The following TCHP variants were observed in gnomAD, a reference collection of about 807,000 sequenced individuals.
TCHP encodes the protein trichoplein keratin filament binding, also known as trichoplein keratin filament-binding protein.
TCHP carries 81 observed loss-of-function variants against 88.7 expected under a neutral mutation model. That is an observed-to-expected ratio of 0.91 (90% confidence interval 0.76 to 1.10). The LOEUF is 1.10. Among genes scored for constraint, TCHP ranks in the 50% least tolerant of loss-of-function variants. TCHP has a pLI of 0.00. For missense variants in TCHP, 641 were observed against 632.1 expected, an observed-to-expected ratio of 1.01 and a Z score of -0.15; for synonymous variants, 232 against 232.5, an observed-to-expected ratio of 1.00 and a Z score of 0.02.
rs140889414 is a variant in TCHP at position 109,917,967 on chromosome 12, T to A, written c.*1344T>A. ...TGTTGTTCATTTTCTTGCAACTCTT[T>A]GACTCTGATCCCCTGAGCAGCACGT... On this transcript the variant is annotated 3_prime_UTR_variant, in exon 13 of 13. Coordinates refer to ENST00000405876, the MANE Select transcript of TCHP (RefSeq NM_001143852.2). 4.6e-5 allele frequency: 7 copies of A among 152,374 alleles called. No individual in the cohort carries two copies. The highest frequency in any genetic ancestry group is 1.7e-4 in the African/African-American group (7 of 41,584). 9.4% of individuals were successfully genotyped at this position (152,374 alleles called of 1,614,324 possible). A position where few individuals can be genotyped will look rare whatever the true frequency, so the allele number is the denominator to read the frequency against.
intron 11 of TCHP, 99 bp from the exon 12 acceptor site, chr12:109,915,304 C>G (rs1397119696): frequency 6.4e-6 from 10 of 1,556,040 alleles, no homozygotes; most frequent in Non-Finnish European, 8.8e-6. Context: ...GCTGGATTCT[C>G]CAGTCTGGGT....
chr12:109,896,421 G>A (rs962954360), upstream of TCHP, among the ~76,000 whole-genome samples: 1 of 152,174 alleles, frequency 6.6e-6, no homozygotes, highest in Non-Finnish European at 1.5e-5. Flanking sequence ...TCTGCAAAAT[G>A]GGGGCAGGAA....
upstream of TCHP, among the ~76,000 whole-genome samples, chr12:109,896,037 C>T (rs1294585156): frequency 6.6e-6 from 1 of 152,134 alleles, no homozygotes; most frequent in Non-Finnish European, 1.5e-5. Context: ...ACCTCTACCT[C>T]CCAGGTTCAA....
rs997976197 is a variant in TCHP, at chr12:109,906,563, C to T, written c.457-9C>T. The T allele has an allele frequency of 1.2e-5, 20 of 1,612,878 alleles. No individual in the cohort carries two copies. The highest frequency in any genetic ancestry group is 1.4e-5 in the Non-Finnish European group (17 of 1,179,650). On this transcript the variant is annotated splice_polypyrimidine_tract_variant and intron_variant, in intron 4 of 12. Coordinates refer to ENST00000405876, the MANE Select transcript of TCHP (RefSeq NM_001143852.2). The stretch of plus-strand genomic sequence containing the variant: ...GAGGAAATTCACATCGTCCCCCTTC[C>T]ATCCTCAGATGGAGCTGGACCTTCA...
upstream of TCHP, among the ~76,000 whole-genome samples, chr12:109,895,791 T>C (rs189102399): frequency 5.9e-5 from 9 of 152,278 alleles, no homozygotes; most frequent in Non-Finnish European, 1.2e-4. Context: ...GTTCTTGTTT[T>C]CTTCTCCCAT....
intron 4 of TCHP, 104 bp from the exon 5 acceptor site, chr12:109,906,468 C>T: frequency 9.3e-7 from 1 of 1,070,382 alleles, no homozygotes; most frequent in Non-Finnish European, 1.4e-6. Context: ...GAAGCGAAGT[C>T]ATGGCCACGT....
At position 109,906,255 on chromosome 12, in the gene TCHP, G is replaced by A. The variant is rs553902713; in HGVS notation, c.457-317G>A. 2.0e-5 allele frequency among the ~76,000 whole-genome samples: 3 copies of A among 152,292 alleles called. No homozygotes were observed. The East Asian group carries it at 5.8e-4, about 29-fold the overall frequency. On this transcript the variant is annotated intron_variant, in intron 4 of 12. Coordinates refer to ENST00000405876, the MANE Select transcript of TCHP (RefSeq NM_001143852.2). ...GGCATGCAGTACATCAACCCAAGGT[G>A]GCCTTTGAAATTGTATTTCCATTTC...
intron 10 of TCHP, among the ~76,000 whole-genome samples, chr12:109,913,828 A>G (rs960412789): frequency 4.6e-5 from 7 of 152,332 alleles, no homozygotes; most frequent in African/African-American, 1.7e-4. Flanking sequence ...TGTAAATACC[A>G]AGAATTCTCC....
At chr12:109,904,964 A>AT in intron 4 of TCHP, 171 bp downstream of exon 4, 1 of 603,902 alleles carries the variant, frequency 1.7e-6, no homozygotes, top group South Asian at 2.1e-5. Flanking sequence ...TGAGCGGCTC[A>AT]TTCGGTTGTT....
chr12:109,916,497 ATTG>A, intron 12 of TCHP, 91 bp from the exon 13 acceptor site: 1 of 1,301,914 alleles, frequency 7.7e-7, no homozygotes, highest in South Asian at 1.4e-5. Context: ...AGCCATTTAT[ATTG>A]TTCTTTTAGC....
chr12:109,907,664 C>G lies in TCHP; in HGVS notation c.664C>G (p.Gln222Glu), dbSNP rs1470856449. Reference sequence around the variant, plus strand: ...CAAGCTCCAGGCCGAGGCACTGCTGCAACAGATGGAGGAGCTGAAGCTGAA... The same window carrying G: ...CAAGCTCCAGGCCGAGGCACTGCTGGAACAGATGGAGGAGCTGAAGCTGAA... ...EDKLQAEALL[Q>E]QMEELKLKEV... Residue 222 changes from glutamine to glutamate, a missense_variant, in exon 6 of 13, where the codon CAA (glutamine) becomes GAA (glutamate). Physicochemically the swap from Gln to Glu is conservative, Grantham distance 29 (BLOSUM62 2). Coordinates refer to ENST00000405876, the MANE Select transcript of TCHP (RefSeq NM_001143852.2). 1 of 1,612,228 alleles carries G rather than the reference C, an allele frequency of 6.2e-7. No homozygotes were observed. The highest frequency in any genetic ancestry group is 8.5e-7 in the Non-Finnish European group (1 of 1,179,278).
the TCHP span, among the ~76,000 whole-genome samples, chr12:109,889,556 G>A: frequency 6.6e-6 from 1 of 152,096 alleles, no homozygotes; most frequent in Non-Finnish European, 1.5e-5. Flanking sequence ...TCCAGCCTCT[G>A]CCTCCATCTT....
intron 9 of TCHP, among the ~76,000 whole-genome samples, chr12:109,911,996 A>G (rs1301128690): frequency 6.6e-6 from 1 of 151,962 alleles, no homozygotes; most frequent in East Asian, 1.9e-4. Flanking sequence ...GGGTTTCACC[A>G]TCTTGGCCAG....
rs748337355 is a variant in TCHP, at chr12:109,907,603, G to A, written c.603G>A (p.Arg201=). 2.5e-6 allele frequency: 4 copies of A among 1,614,246 alleles called. No homozygotes were observed. The change falls in exon 6 of 13, where the codon AGG becomes AGA. Residue 201 remains arginine, a synonymous_variant. Coordinates refer to ENST00000405876, the MANE Select transcript of TCHP (RefSeq NM_001143852.2). ...GGGCCCGAAGGGAGGCGCTAGAAAG[G>A]ATGAAAGCTGAAGAGGAGAGGAGGC... ...YERARREALE[R]MKAEEERRQL... is the part of the protein sequence containing the mutation.
At chr12:109,889,081 G>C in the TCHP span, among the ~76,000 whole-genome samples, 1 of 150,792 alleles carries the variant, frequency 6.6e-6, no homozygotes, top group Non-Finnish European at 1.5e-5. Flanking sequence ...GTAATCCCAG[G>C]ACTTTCGGAG....
the TCHP span, among the ~76,000 whole-genome samples, chr12:109,884,845 A>T: frequency 2.0e-5 from 3 of 152,196 alleles, no homozygotes; most frequent in Admixed American, 2.0e-4. Context: ...TCCTCCAAAC[A>T]AGGACGCTCT....
chr12:109,904,846 C>G, intron 4 of TCHP, 53 bp downstream of exon 4: 1 of 1,546,400 alleles, frequency 6.5e-7, no homozygotes, highest in Non-Finnish European at 8.8e-7. Flanking sequence ...ATCATGTTTC[C>G]AGACACTTTT....
chr12:109,900,927 G>A (rs1466351380), intron 1 of TCHP: 3 of 152,282 alleles, frequency 2.0e-5, no homozygotes, highest in African/African-American at 7.2e-5. Flanking sequence ...TACACTTGAG[G>A]ACAGCTTTTG....
upstream of TCHP, among the ~76,000 whole-genome samples, chr12:109,897,189 C>G (rs571467640): frequency 6.6e-6 from 1 of 152,302 alleles, no homozygotes; most frequent in African/African-American, 2.4e-5. Context: ...TCATAGAATG[C>G]CCAAGAGGAG....
Sources: gnomAD v4.1 joint callset for allele counts (sites outside exome capture counted in the v4.1 genomes callset) on GRCh38, gnomAD v4.1.1 for gene constraint, MANE v1.5 for transcripts, NCBI Gene and HGNC (gene_info 2026-07-23, HGNC 2026-07-21) for gene names.